Variants in ADIPOR2 observed in about 807,000 individuals in gnomAD.
The protein encoded by ADIPOR2 is adiponectin receptor protein 2.
A neutral mutation model predicts 40.9 loss-of-function variants in ADIPOR2; 18 were observed. The observed-to-expected ratio is 0.44, with a 90% CI of 0.30 to 0.65. The LOEUF is 0.65. Among genes scored for constraint, ADIPOR2 ranks in the 30% least tolerant of loss-of-function variants. The pLI, the probability that ADIPOR2 is intolerant of heterozygous loss-of-function variation, is 0.09. For missense variants in ADIPOR2, 283 were observed against 479.2 expected (o/e 0.59, Z 3.82); for synonymous variants, 165 against 166.4 (o/e 0.99, Z 0.06).
chr12:1,763,614 T>C (rs1366983793), intron 2 of ADIPOR2, among the ~76,000 whole-genome samples: 2 of 152,234 alleles, frequency 1.3e-5, no homozygotes, highest in East Asian at 3.8e-4. Context: ...TTTGTATTTA[T>C]CTTATAAAAA....
In ADIPOR2 at chr12:1,783,928, A is replaced by T. The variant is rs200022126; in HGVS notation, c.887A>T (p.Tyr296Phe). The T allele has an allele frequency of 2.5e-6, 4 of 1,613,024 alleles. No individual in the cohort carries two copies. Among genetic ancestry groups the T allele is most frequent in the Non-Finnish European group, 3.4e-6 (4 of 1,179,552 alleles). The stretch of plus-strand genomic sequence containing the variant: ...AGTGGAATCATTCCTACCTTGCACT[A>T]TGTCATCTCGGAGGGGTTCCTTAAG... ...GLSGIIPTLH[Y>F]VISEGFLKAA... The change falls in exon 7 of 8, where the codon TAT (tyrosine) becomes TTT (phenylalanine). Residue 296 changes from tyrosine (Y) to phenylalanine (F), a missense_variant. Tyr to Phe is a conservative substitution (Grantham distance 22, BLOSUM62 3). Around this residue, in one of 3 missense-constraint regions of ADIPOR2, gnomAD observed 106 missense variants for 149.7 expected, o/e 0.71. Coordinates refer to ENST00000357103, the MANE Select transcript of ADIPOR2 (RefSeq NM_024551.3).
intron 2 of ADIPOR2, among the ~76,000 whole-genome samples, chr12:1,767,269 CAAAAAAAAAA>C (rs61401998): frequency 1.3e-4 from 11 of 87,468 alleles, no homozygotes; most frequent in South Asian, 4.0e-4. Context: ...AAGACTTCGT[CAAAAAAAAAA>C]AAAAAAAAAA....
intron 1 of ADIPOR2, among the ~76,000 whole-genome samples, chr12:1,692,672 G>A (rs1318158098): frequency 6.7e-6 from 1 of 150,008 alleles, no homozygotes; most frequent in East Asian, 1.9e-4. Context: ...TAGGCTCCTT[G>A]TATGAATTTA....
At chr12:1,785,110 T>C (rs1862799909) in intron 7 of ADIPOR2, among the ~76,000 whole-genome samples, 1 of 152,240 alleles carries the variant, frequency 6.6e-6, no homozygotes, top group African/African-American at 2.4e-5. Flanking sequence ...GTGACTTGAT[T>C]TCTTCTAGTT....
chr12:1,725,830 A>G, intron 1 of ADIPOR2, among the ~76,000 whole-genome samples: 1 of 152,236 alleles, frequency 6.6e-6, no homozygotes, highest in South Asian at 2.1e-4. Flanking sequence ...ATTTATGAAG[A>G]TACAGTAGAA....
At chr12:1,742,943 C>G (rs948018043) in intron 1 of ADIPOR2, among the ~76,000 whole-genome samples, 6 of 152,114 alleles carry the variant, frequency 3.9e-5, no homozygotes, top group African/African-American at 1.4e-4. Context: ...AATATTTTTA[C>G]TTTTCGATTT....
rs192753878 is a variant in ADIPOR2, at chr12:1,786,425, T to C, written c.*353T>C. 1 of 207,924 alleles carries C rather than the reference T, an allele frequency of 4.8e-6. No individual in the cohort carries two copies. Among genetic ancestry groups the C allele is most frequent in the African/African-American group, 2.3e-5 (1 of 43,422 alleles). 12.9% of individuals were successfully genotyped at this position (207,924 alleles called of 1,614,324 possible). ...GGCGAAACAGTTTAGCTGGTGGTTC[T>C]TTCTTCTCCCTTTCTCTCTCTCTAT... is the stretch of plus-strand genomic sequence containing the variant. On this transcript the variant is annotated 3_prime_UTR_variant, in exon 8 of 8. Coordinates refer to ENST00000357103, the MANE Select transcript of ADIPOR2 (RefSeq NM_024551.3).
At chr12:1,704,048 A>T (rs1010006877) in intron 1 of ADIPOR2, among the ~76,000 whole-genome samples, 192 of 64,884 alleles carry the variant, frequency 3.0e-3, no homozygotes, top group Middle Eastern at 0.011. Flanking sequence ...TCTTGGTTCT[A>T]CCTGGAATTT....
chr12:1,703,395 G>C (rs2094654605), intron 1 of ADIPOR2, among the ~76,000 whole-genome samples: 1 of 152,092 alleles, frequency 6.6e-6, no homozygotes, highest in Admixed American at 6.5e-5. Flanking sequence ...TGTTTGTGTT[G>C]CTTTAATTTT....
intron 3 of ADIPOR2, among the ~76,000 whole-genome samples, chr12:1,774,793 C>A (rs1236093884): frequency 1.3e-5 from 2 of 152,224 alleles, no homozygotes; most frequent in Non-Finnish European, 2.9e-5. Context: ...CAACCTCCAA[C>A]TCCCGGGTTC....
chr12:1,717,622 T>C (rs1229355799), intron 1 of ADIPOR2, among the ~76,000 whole-genome samples: 3 of 152,042 alleles, frequency 2.0e-5, no homozygotes, highest in Non-Finnish European at 4.4e-5. Flanking sequence ...GGAGAATTGC[T>C]TGAACCTGGG....
chr12:1,760,980 C>T (rs1862255686), intron 2 of ADIPOR2: 1 of 152,072 alleles, frequency 6.6e-6, no homozygotes, highest in South Asian at 2.1e-4. Flanking sequence ...TCACAAGAAG[C>T]GTGAGTGCAA....
intron 1 of ADIPOR2, among the ~76,000 whole-genome samples, chr12:1,704,837 TTTTA>T (rs773726882): frequency 3.4e-4 from 51 of 152,198 alleles, no homozygotes; most frequent in Non-Finnish European, 6.9e-4. Context: ...TCTTTTTTCT[TTTTA>T]TTCCTTTTCT....
intron 1 of ADIPOR2, among the ~76,000 whole-genome samples, chr12:1,726,508 T>G (rs79375695): frequency 0.015 from 2,296 of 152,298 alleles, 22 homozygotes; most frequent in Middle Eastern, 0.054. Context: ...GAGTTGGGAT[T>G]TTTTAATTTT....
chr12:1,763,248 G>A (rs1250248407), intron 2 of ADIPOR2, among the ~76,000 whole-genome samples: 1 of 152,210 alleles, frequency 6.6e-6, no homozygotes, highest in African/African-American at 2.4e-5. Context: ...GTGATTGTGA[G>A]GCACACTTAA....
chr12:1,757,287 GGCAGATACCCTTTTCCTCA>G (rs2154443625), intron 2 of ADIPOR2: 1 of 637,092 alleles, frequency 1.6e-6, no homozygotes, highest in East Asian at 2.7e-5. Context: ...GCAATGGTGA[GGCAGATACCCTTTTCCTCA>G]GGGAAGAGAA....
intron 1 of ADIPOR2, among the ~76,000 whole-genome samples, chr12:1,750,938 T>G (rs571972017): frequency 1.2e-4 from 18 of 151,842 alleles, no homozygotes; most frequent in Admixed American, 4.6e-4. Flanking sequence ...TTCCCTCATT[T>G]AATTATCTAA....
Position 1,754,663 on chromosome 12 carries a change from T to G in ADIPOR2, c.171+149T>G, listed in dbSNP as rs1862075792. ...CTTGCACATTTGTATTTTTTTCTTC[T>G]GGATAACTTGAAGTCTCTTATCTTT... On this transcript the variant is annotated intron_variant, in intron 2 of 7. Transcript: ENST00000357103. The G allele has an allele frequency of 4.1e-6, 3 of 723,476 alleles. No homozygotes were observed. In the South Asian group the frequency reaches 6.8e-5, roughly 17 times the overall value. The allele number at this position is 723,476 out of a possible 1,614,324, so 44.8% of individuals were successfully genotyped here.
At chr12:1,734,139 C>G (rs1230276370) in intron 1 of ADIPOR2, among the ~76,000 whole-genome samples, 1 of 152,156 alleles carries the variant, frequency 6.6e-6, no homozygotes, top group African/African-American at 2.4e-5. Flanking sequence ...AATGGGATGG[C>G]TGGGTCAAAT....
Sources: allele counts gnomAD v4.1 joint callset (sites outside exome capture counted in the v4.1 genomes callset), GRCh38; gene constraint gnomAD v4.1.1; regional missense constraint gnomAD v4.1.1; transcripts MANE v1.5; gene names NCBI Gene and HGNC (gene_info 2026-07-23, HGNC 2026-07-21).